The following SGSM1 variants were observed in gnomAD, a reference collection of about 807,000 sequenced individuals.
SGSM1 encodes the protein small G protein signaling modulator 1, also known as RUN and TBC1 domain containing 2.
In SGSM1, 73 loss-of-function variants were observed where a neutral mutation model predicts 133.8. The observed-to-expected ratio is 0.55, with a 90% confidence interval of 0.45 to 0.66. The LOEUF (loss-of-function observed/expected upper bound fraction) is 0.66. Among genes scored for constraint, SGSM1 ranks in the 30% least tolerant of loss-of-function variants. SGSM1 has a pLI of 0.00. For synonymous variants in SGSM1, 563 were observed against 573.0 expected, an observed-to-expected ratio of 0.98 and a Z score of 0.25; for missense variants, 1,213 against 1,448.1, an observed-to-expected ratio of 0.84 and a Z score of 2.64.
At chr22:24,867,009 G>A in intron 9 of SGSM1, 84 bp from the exon 10 acceptor site, 1 of 1,306,146 alleles carries the variant, frequency 7.7e-7, no homozygotes, top group Non-Finnish European at 1.1e-6. Context: ...AGGAGCTCCT[G>A]GTTGTGGTCT....
intron 2 of SGSM1, among the ~76,000 whole-genome samples, chr22:24,838,949 G>T (rs986216545): frequency 1.4e-5 from 2 of 146,822 alleles, no homozygotes; most frequent in East Asian, 2.0e-4. Context: ...AGCACCATTG[G>T]GATTTTGATA....
At chr22:24,838,031 C>G (rs1335934958) in intron 2 of SGSM1, among the ~76,000 whole-genome samples, 1 of 152,178 alleles carries the variant, frequency 6.6e-6, no homozygotes, top group Non-Finnish European at 1.5e-5. Context: ...TGTCATGAAG[C>G]TTTCTCCGTT....
intron 16 of SGSM1, among the ~76,000 whole-genome samples, chr22:24,887,313 T>C (rs1164726495): frequency 6.6e-6 from 1 of 152,206 alleles, no homozygotes; most frequent in Non-Finnish European, 1.5e-5. Flanking sequence ...TCTTCATTTC[T>C]ATAATTTTGT....
intron 16 of SGSM1, among the ~76,000 whole-genome samples, chr22:24,890,789 G>A (rs761993363): frequency 5.3e-5 from 8 of 152,030 alleles, no homozygotes; most frequent in Non-Finnish European, 1.0e-4. Context: ...TGATCTGCCC[G>A]CCTCGGACTC....
chr22:24,838,611 G>A (rs1240145295), intron 2 of SGSM1, among the ~76,000 whole-genome samples: 1 of 152,134 alleles, frequency 6.6e-6, no homozygotes, highest in Non-Finnish European at 1.5e-5. Context: ...ACAGTTTATG[G>A]GGTAGTTGGG....
At chr22:24,890,235 C>T (rs527974169) in intron 16 of SGSM1, among the ~76,000 whole-genome samples, 49 of 152,324 alleles carry the variant, frequency 3.2e-4, no homozygotes, top group Non-Finnish European at 5.4e-4. Context: ...GGATTACAGG[C>T]ATGAGCCACC....
chr22:24,829,976 T>G (rs1394998261), intron 2 of SGSM1, among the ~76,000 whole-genome samples: 1 of 152,180 alleles, frequency 6.6e-6, no homozygotes, highest in Admixed American at 6.5e-5. Flanking sequence ...GTGAGCTGAA[T>G]TCCAGCTCTT....
At chr22:24,842,164 G>A (rs1029703290) in intron 2 of SGSM1, among the ~76,000 whole-genome samples, 1 of 152,196 alleles carries the variant, frequency 6.6e-6, no homozygotes, top group Non-Finnish European at 1.5e-5. Flanking sequence ...CTGCCTTAGA[G>A]GAGCAAAGGA....
At chr22:24,886,374 C>G (rs1211650107) in intron 15 of SGSM1, among the ~76,000 whole-genome samples, 2 of 142,728 alleles carry the variant, frequency 1.4e-5, no homozygotes, top group African/African-American at 2.6e-5. Context: ...GCACTACAGC[C>G]TGGGTGACAG....
Position 24,924,630 on chromosome 22 carries a change from G to C in SGSM1, c.*356G>C, listed in dbSNP as rs1934134723. 3.7e-6 allele frequency: 1 copy of C among 273,142 alleles called. No individual in the cohort carries two copies. The highest frequency in any genetic ancestry group is 4.8e-5 in the Admixed American group (1 of 20,714). The allele number at this position is 273,142 out of a possible 1,614,324, so 16.9% of individuals were successfully genotyped here. On this transcript the variant is annotated 3_prime_UTR_variant, in exon 25 of 25. Coordinates refer to ENST00000400358, the MANE Select transcript of SGSM1 (RefSeq NM_001098497.3). The stretch of plus-strand genomic sequence containing the variant: ...ATCCCTCCAAACTGTCTTGTAAGAT[G>C]AGACCTGGGGAGGAAACTTCTTTTT...
chr22:24,893,121 C>T (rs746771143), intron 16 of SGSM1, among the ~76,000 whole-genome samples: 2 of 151,980 alleles, frequency 1.3e-5, no homozygotes, highest in Non-Finnish European at 2.9e-5. Flanking sequence ...AGTCTTCTCA[C>T]TTTTGTATCC....
intron 22 of SGSM1, among the ~76,000 whole-genome samples, chr22:24,916,525 C>T (rs1161846019): frequency 3.3e-5 from 5 of 152,070 alleles, no homozygotes; most frequent in Admixed American, 2.6e-4. Flanking sequence ...AAACCCCGTC[C>T]GTCTCTATTA....
At chr22:24,888,978 G>C (rs1234749549) in intron 16 of SGSM1, among the ~76,000 whole-genome samples, 2 of 108,736 alleles carry the variant, frequency 1.8e-5, no homozygotes, top group East Asian at 3.0e-4. Context: ...CAGAGTGTCT[G>C]TCTGTCAGAG....
intron 2 of SGSM1, among the ~76,000 whole-genome samples, chr22:24,818,869 G>A (rs888193422): frequency 5.9e-5 from 9 of 151,774 alleles, no homozygotes; most frequent in East Asian, 1.9e-4. Context: ...ATAATTGGCC[G>A]GGAGCAGTGG....
In SGSM1 at chr22:24,855,071, G is replaced by T. The variant is rs753736618; in HGVS notation, c.523+8G>T. On this transcript the variant is annotated splice_region_variant and intron_variant, in intron 6 of 24. Transcript: ENST00000400358. ...TCCTTGCATCTTTGTTGGGTAAGTT[G>T]TCCTGTGTGCTGAGCTTCATCTAGA... 1.1e-5 allele frequency: 18 copies of T among 1,612,116 alleles called. No homozygotes were observed. In the Admixed American group the frequency reaches 2.0e-4, roughly 18 times the overall value.
intron 3 of SGSM1, among the ~76,000 whole-genome samples, chr22:24,846,882 C>A (rs1930181377): frequency 6.6e-6 from 1 of 151,652 alleles, no homozygotes; most frequent in Admixed American, 6.6e-5. Context: ...GCTCTGTCGC[C>A]CAGGCTGGAG....
chr22:24,839,221 G>GTTTTTGTA (rs775043628), intron 2 of SGSM1, among the ~76,000 whole-genome samples: 76 of 152,134 alleles, frequency 5.0e-4, no homozygotes, highest in Non-Finnish European at 7.6e-4. Context: ...TGCCTGGCTA[G>GTTTTTGTA]TTTTTGTATT....
At chr22:24,825,271 T>A (rs1660220221) in intron 2 of SGSM1, among the ~76,000 whole-genome samples, 1 of 152,086 alleles carries the variant, frequency 6.6e-6, no homozygotes, top group Non-Finnish European at 1.5e-5. Context: ...GAGATGTTGG[T>A]CCATGCAACT....
chr22:24,844,969 T>G lies in SGSM1; in HGVS notation c.136T>G (p.Cys46Gly), dbSNP rs1240922218. ...AGACAGCAGCCACATCATCTCCTTC[T>G]GTGGTGAGTCTGTGACCTGGGAAAG... ...HEDSSHIISF[C>G]AAVEACVLHG... Residue 46 changes from cysteine (C) to glycine (G), a missense_variant, in exon 3 of 25, where the codon TGT becomes GGT. Physicochemically the swap from Cys to Gly is radical, Grantham distance 159. Transcript: ENST00000400358. 3.1e-6 allele frequency: 5 copies of G among 1,613,616 alleles called. No individual in the cohort carries two copies. The highest frequency in any genetic ancestry group is 4.2e-6 in the Non-Finnish European group (5 of 1,179,840).
Sources: gnomAD v4.1 joint callset for allele counts (sites outside exome capture counted in the v4.1 genomes callset) on GRCh38, gnomAD v4.1.1 for gene constraint, MANE v1.5 for transcripts, NCBI Gene and HGNC (gene_info 2026-07-23, HGNC 2026-07-21) for gene names.